Variants in ELF1 observed in about 807,000 individuals in gnomAD.
ELF1 encodes ETS-related transcription factor Elf-1.
In ELF1, 24 loss-of-function variants were observed where a neutral mutation model predicts 59.9. The ratio of observed to expected loss-of-function variants is 0.40; its 90% CI spans 0.29 to 0.56. The LOEUF is 0.56. Ranked by LOEUF, ELF1 falls within the 20% of genes least tolerant of loss-of-function variation. The pLI is 0.44. For missense variants in ELF1, 627 were observed against 742.2 expected (o/e 0.84, Z 1.80); for synonymous variants, 248 against 266.2 (o/e 0.93, Z 0.67).
chr13:41,035,494 C>T (rs896029231), intron 1 of ELF1, among the ~76,000 whole-genome samples: 10 of 151,974 alleles, frequency 6.6e-5, no homozygotes, highest in Admixed American at 3.3e-4. Context: ...AAAGCCAAGG[C>T]CACTTTCTCA....
chr13:41,035,382 AC>A (rs1876330999), intron 1 of ELF1, among the ~76,000 whole-genome samples: 1 of 152,184 alleles, frequency 6.6e-6, no homozygotes, highest in Non-Finnish European at 1.5e-5. Flanking sequence ...CAGAAATTGA[AC>A]TAATTATTGG....
intron 1 of ELF1, among the ~76,000 whole-genome samples, chr13:41,042,298 C>A (rs1269118837): frequency 6.7e-6 from 1 of 149,746 alleles, no homozygotes; most frequent in East Asian, 1.9e-4. Context: ...ACAGCTTTTT[C>A]TTTTTCTTTT....
At chr13:41,045,152 A>AT (rs1474794440) in intron 1 of ELF1, among the ~76,000 whole-genome samples, 4 of 149,050 alleles carry the variant, frequency 2.7e-5, no homozygotes, top group Non-Finnish European at 4.5e-5. Flanking sequence ...CCCCTTTATC[A>AT]TTTTTTATTG....
At chr13:40,949,670 A>C in intron 5 of ELF1, 136 bp downstream of exon 5, 1 of 1,110,588 alleles carries the variant, frequency 9.0e-7, no homozygotes, top group Non-Finnish European at 1.3e-6. Flanking sequence ...ATAACTCATA[A>C]TTTCCATTTT....
At chr13:40,964,569 C>CT (rs1265219937) in intron 2 of ELF1, among the ~76,000 whole-genome samples, 1 of 152,042 alleles carries the variant, frequency 6.6e-6, no homozygotes, top group African/African-American at 2.4e-5. Context: ...AGCTCTCCCT[C>CT]TGTCACCTAG....
At chr13:40,944,950 T>C (rs1045472341) in intron 5 of ELF1, among the ~76,000 whole-genome samples, 3 of 151,998 alleles carry the variant, frequency 2.0e-5, no homozygotes, top group African/African-American at 7.3e-5. Context: ...CTGAAGTCAT[T>C]TGGGTGAATG....
At chr13:41,060,911 TGCTGCC>T (rs779134096) in exon 1 of ELF1, 47 of 264,500 alleles carry the variant, frequency 1.8e-4, no homozygotes, top group Middle Eastern at 8.8e-4. Flanking sequence ...CTGAAGCTGC[TGCTGCC>T]GCCGCCGCCG....
At chr13:41,025,910 C>A (rs1875879151) in intron 1 of ELF1, among the ~76,000 whole-genome samples, 1 of 152,118 alleles carries the variant, frequency 6.6e-6, no homozygotes, top group South Asian at 2.1e-4. Context: ...TGGCAAATGC[C>A]TTTTTCCCCC....
At chr13:40,993,623 G>C (rs1424685819) in intron 1 of ELF1, among the ~76,000 whole-genome samples, 6 of 152,014 alleles carry the variant, frequency 3.9e-5, no homozygotes, top group Non-Finnish European at 8.8e-5. Context: ...TGGGGCTATA[G>C]GTGTGTACTA....
intron 3 of ELF1, among the ~76,000 whole-genome samples, chr13:40,953,007 A>G (rs1295052872): frequency 2.1e-5 from 3 of 141,346 alleles, no homozygotes; most frequent in Admixed American, 7.3e-5. Context: ...ACAAAGTTTC[A>G]ATCTTGTTGC....
chr13:40,939,835 G>A (rs994153934), intron 8 of ELF1, among the ~76,000 whole-genome samples: 1 of 152,094 alleles, frequency 6.6e-6, no homozygotes, highest in Non-Finnish European at 1.5e-5. Flanking sequence ...CTGGTCCCAG[G>A]CATTTTGGAT....
intron 1 of ELF1, among the ~76,000 whole-genome samples, chr13:41,016,963 T>C (rs544272499): frequency 9.3e-6 from 1 of 107,984 alleles, no homozygotes; most frequent in Non-Finnish European, 1.8e-5. Flanking sequence ...TATATATATA[T>C]ATATATATAT....
At chr13:40,951,469 C>T (rs757825350) in intron 3 of ELF1, 33 bp from the exon 4 acceptor site, 1 of 1,570,102 alleles carries the variant, frequency 6.4e-7, no homozygotes, top group South Asian at 1.1e-5. Context: ...ATTAAATTAA[C>T]TACGAGACAT....
At chr13:40,966,020 T>C (rs1377468056) in intron 2 of ELF1, among the ~76,000 whole-genome samples, 1 of 152,242 alleles carries the variant, frequency 6.6e-6, no homozygotes, top group Non-Finnish European at 1.5e-5. Context: ...ATTCCCTAAG[T>C]TGAGTCAGCT....
At chr13:40,994,460 T>G (rs1221561626) in intron 1 of ELF1, among the ~76,000 whole-genome samples, 1 of 152,074 alleles carries the variant, frequency 6.6e-6, no homozygotes, top group Non-Finnish European at 1.5e-5. Flanking sequence ...CTGGCCTACA[T>G]GGTGAAACCT....
chr13:40,984,695 A>G (rs1217797781), intron 1 of ELF1, among the ~76,000 whole-genome samples: 1 of 152,260 alleles, frequency 6.6e-6, no homozygotes, highest in Non-Finnish European at 1.5e-5. Flanking sequence ...GTAAGAAAAC[A>G]TAACCAGAAT....
At chr13:40,939,776 T>C (rs544190503) in intron 8 of ELF1, among the ~76,000 whole-genome samples, 17 of 152,302 alleles carry the variant, frequency 1.1e-4, no homozygotes, top group African/African-American at 4.1e-4. Context: ...GCCGGGTAAG[T>C]ATAATGCAAC....
chr13:41,026,101 G>A (rs1486185089), intron 1 of ELF1, among the ~76,000 whole-genome samples: 1 of 152,082 alleles, frequency 6.6e-6, no homozygotes, highest in Non-Finnish European at 1.5e-5. Context: ...ATGCTTATTG[G>A]ACCTAATGAG....
Position 40,932,973 on chromosome 13 carries a change from A to G in ELF1, c.*452T>C, listed in dbSNP as rs555153796. On this transcript the variant is annotated 3_prime_UTR_variant, in exon 9 of 9. Transcript: ENST00000239882. ...AACTAAAGTCAATCTAAGTGACACC[A>G]TAATTTTAACAAAGCATAAAATAGG... 1.5e-4 allele frequency: 25 copies of G among 165,078 alleles called. No homozygotes were observed. Among genetic ancestry groups the G allele is most frequent in the Non-Finnish European group, 2.6e-4 (20 of 76,242 alleles). 10.2% of individuals were successfully genotyped at this position (165,078 alleles called of 1,614,324 possible). A position where few individuals can be genotyped will look rare whatever the true frequency, so the allele number is the denominator to read the frequency against.
Sources: allele counts gnomAD v4.1 joint callset (sites outside exome capture counted in the v4.1 genomes callset), GRCh38; gene constraint gnomAD v4.1.1; transcripts MANE v1.5; gene names NCBI Gene and HGNC (gene_info 2026-07-23, HGNC 2026-07-21).